Variants in TMPRSS6 observed in about 807,000 individuals in gnomAD.
TMPRSS6 encodes the protein transmembrane protease serine 6.
In TMPRSS6, 67 loss-of-function variants were observed where a neutral mutation model predicts 101.5. That is an observed-to-expected ratio of 0.66 (90% CI 0.54 to 0.81). TMPRSS6 has a LOEUF of 0.81. Among genes scored for constraint, TMPRSS6 ranks in the 30% least tolerant of loss-of-function variants. The pLI, the probability that TMPRSS6 is intolerant of heterozygous loss-of-function variation, is 0.00. For synonymous variants in TMPRSS6, 453 were observed against 464.9 expected (o/e 0.97, Z 0.33); for missense variants, 1,034 against 1,088.7 (o/e 0.95, Z 0.71).
chr22:37,109,796 G>C (rs1930957411), upstream of TMPRSS6, among the ~76,000 whole-genome samples: 1 of 151,818 alleles, frequency 6.6e-6, no homozygotes, highest in Non-Finnish European at 1.5e-5. Context: ...GGGCACCCCA[G>C]AGGCTGGCAG....
chr22:37,103,247 A>C lies in TMPRSS6; in HGVS notation c.171T>G (p.Ala57=). The C allele has an allele frequency of 6.2e-7, 1 of 1,614,100 alleles. No individual in the cohort carries two copies. The highest frequency in any genetic ancestry group is 8.5e-7 in the Non-Finnish European group (1 of 1,179,948). ...AATACCAGAGTAGCACCCCCGCCGAAGCCAGCACGAGCAGGGCCAGCAGCA... is the reference window on the plus strand; with the variant it reads ...AATACCAGAGTAGCACCCCCGCCGACGCCAGCACGAGCAGGGCCAGCAGCA... ...LFVLLALLVL[A]SAGVLLWYFL... The change falls in exon 2 of 18, where the codon GCT becomes GCG. Residue 57 remains alanine, a synonymous_variant. Transcript: ENST00000676104. The surrounding 1 kb of genome is among the most constrained non-coding windows in gnomAD (Gnocchi z 4.4).
chr22:37,092,885 G>T (rs927430766), intron 6 of TMPRSS6, among the ~76,000 whole-genome samples: 2 of 152,252 alleles, frequency 1.3e-5, no homozygotes, highest in Non-Finnish European at 2.9e-5. Flanking sequence ...GGGACTCTGT[G>T]TGAGGCTCTT....
chr22:37,102,707 G>A (rs1219828158), intron 2 of TMPRSS6, among the ~76,000 whole-genome samples: 1 of 152,148 alleles, frequency 6.6e-6, no homozygotes, highest in Non-Finnish European at 1.5e-5. Flanking sequence ...CATTCATGCT[G>A]GACCCTGGAG....
At chr22:37,098,038 C>CG (rs368831754) in intron 3 of TMPRSS6, among the ~76,000 whole-genome samples, 20 of 12,752 alleles carry the variant, frequency 1.6e-3, no homozygotes, top group Admixed American at 4.4e-3. Context: ...GGGGCAGGAG[C>CG]GGCCACCGTC....
At chr22:37,110,495 G>T (rs949263245), upstream of TMPRSS6, among the ~76,000 whole-genome samples, 4 of 152,078 alleles carry the variant, frequency 2.6e-5, no homozygotes, top group African/African-American at 9.7e-5. Context: ...GGTAGCCGCT[G>T]GTCACCCGTG....
intron 10 of TMPRSS6, among the ~76,000 whole-genome samples, chr22:37,075,544 C>T (rs1692582443): frequency 6.6e-6 from 1 of 152,222 alleles, no homozygotes; most frequent in Non-Finnish European, 1.5e-5. Context: ...TCACAGTCAC[C>T]TGTGAACTGT....
In TMPRSS6 at chr22:37,066,206, T is replaced by A. The variant is rs1926267689; in HGVS notation, c.2283A>T (p.Ala761=). The A allele has an allele frequency of 7.4e-6, 12 of 1,612,634 alleles. No homozygotes were observed. Among genetic ancestry groups the A allele is most frequent in the Non-Finnish European group, 9.3e-6 (11 of 1,179,774 alleles). Residue 761 remains alanine (A), a synonymous_variant, in exon 18 of 18, where the codon GCA becomes GCT. Transcript: ENST00000676104. ...CCGCCAGGAACCAGCGGCCACTGAG[T>A]GCCTTGCACACCAGCGGACCACCTG... The part of the protein sequence containing the change: ...GDSGGPLVCK[A]LSGRWFLAGL...
At chr22:37,080,575 T>C (rs952706338) in intron 10 of TMPRSS6, among the ~76,000 whole-genome samples, 1 of 152,276 alleles carries the variant, frequency 6.6e-6, no homozygotes, top group Admixed American at 6.5e-5. Context: ...CTACATGGGA[T>C]GATCACTATC....
rs2146057214 is a variant in TMPRSS6, at chr22:37,073,540, C to T, written c.1547G>A (p.Cys516Tyr). Residue 516 changes from cysteine (C) to tyrosine (Y), a missense_variant, in exon 13 of 18, where the codon TGC (cysteine) becomes TAC (tyrosine). Coordinates refer to ENST00000676104, the MANE Select transcript of TMPRSS6 (RefSeq NM_001374504.1). ...GGCTAGGCCTGCCCTACCTTCCTGG[C>T]ACTGCTCTTCGTCGCTGCCGTTGAG... ...DCLNGSDEEQ[C>Y]QEGVPCGTFT... is the part of the protein sequence containing the mutation. 3 of 1,612,454 alleles carry T rather than the reference C, an allele frequency of 1.9e-6. No individual in the cohort carries two copies. The highest frequency in any genetic ancestry group is 2.5e-6 in the Non-Finnish European group (3 of 1,178,520).
intron 10 of TMPRSS6, 139 bp from the exon 11 acceptor site, chr22:37,075,419 T>C (rs978679826): frequency 4.3e-5 from 49 of 1,151,004 alleles, no homozygotes; most frequent in Admixed American, 1.0e-4. Flanking sequence ...ATTTCTCCCT[T>C]AGATGAGTGC....
rs1396291878 is a variant in TMPRSS6, at chr22:37,096,729, AGACAACAGCCCCTGG to A, written c.337-29_337-15del. 6.4e-7 allele frequency: 1 copy of A among 1,559,336 alleles called. No individual in the cohort carries two copies. The highest frequency in any genetic ancestry group is 1.4e-5 in the African/African-American group (1 of 73,674). Reference sequence around the variant, plus strand: ...GAGCTCCTTGAGCTGTGAGAAGGGAAGACAACAGCCCCTGGGACCCTCTGCAGGGCAGACAGGCCC... The same window carrying A: ...GAGCTCCTTGAGCTGTGAGAAGGGAAGACCCTCTGCAGGGCAGACAGGCCC... On this transcript the variant is annotated splice_polypyrimidine_tract_variant and intron_variant, in intron 3 of 17. Transcript: ENST00000676104.
intron 6 of TMPRSS6, among the ~76,000 whole-genome samples, chr22:37,095,148 C>G (rs1929634278): frequency 6.6e-6 from 1 of 152,094 alleles, no homozygotes; most frequent in Admixed American, 6.5e-5. Context: ...TCCAAAAGAC[C>G]AAGTTTTAAA....
At chr22:37,082,131 G>T (rs1026484251) in intron 10 of TMPRSS6, among the ~76,000 whole-genome samples, 3 of 152,150 alleles carry the variant, frequency 2.0e-5, no homozygotes, top group African/African-American at 7.2e-5. Context: ...TGTGGCTGTT[G>T]GGGGTATGGG....
rs762251579 is a variant in TMPRSS6, at chr22:37,101,476, C to G, written c.202+1740G>C. The stretch of plus-strand genomic sequence containing the variant: ...CTCCTCGCTTGGGGCCTGTCCTGCT[C>G]CAGTGTCACTGGTCACTTGTGCACC... On this transcript the variant is annotated intron_variant, in intron 2 of 17. Transcript: ENST00000676104. The surrounding 1 kb of genome is among the most constrained non-coding windows in gnomAD (Gnocchi z 4.1). 8.5e-5 allele frequency among the ~76,000 whole-genome samples: 13 copies of G among 152,094 alleles called. No homozygotes were observed. The highest frequency in any genetic ancestry group is 1.5e-4 in the Non-Finnish European group (10 of 67,992).
intron 6 of TMPRSS6, among the ~76,000 whole-genome samples, chr22:37,094,107 C>G (rs1400423593): frequency 6.6e-6 from 1 of 152,034 alleles, no homozygotes; most frequent in Non-Finnish European, 1.5e-5. Context: ...CTGCAATGAG[C>G]CAGTCTCTGT....
intron 6 of TMPRSS6, among the ~76,000 whole-genome samples, chr22:37,091,497 A>C (rs1929260374): frequency 6.6e-6 from 1 of 152,062 alleles, no homozygotes; most frequent in Non-Finnish European, 1.5e-5. Flanking sequence ...TACCCTCCCC[A>C]CCTAGCACCA....
At position 37,070,956 on chromosome 22, in the gene TMPRSS6, C is replaced by CCCATCACACTGCGGGTTGGG. The variant is rs1926841477; in HGVS notation, c.1612_1631dup (p.Arg545ProfsTer66). On this transcript the variant is annotated frameshift_variant, in exon 14 of 18. Coordinates refer to ENST00000676104, the MANE Select transcript of TMPRSS6 (RefSeq NM_001374504.1). LOFTEE classifies it high-confidence loss of function. Reference sequence around the variant, plus strand: ...CCGAGCCGTCCCTGCAGTCGGGCCGCCCATCACACTGCGGGTTGGGCTTCT... The same window carrying CCCATCACACTGCGGGTTGGG: ...CCGAGCCGTCCCTGCAGTCGGGCCGCCCATCACACTGCGGGTTGGGCCATCACACTGCGGGTTGGGCTTCT... 2 of 1,613,230 alleles carry CCCATCACACTGCGGGTTGGG rather than the reference C, an allele frequency of 1.2e-6. No homozygotes were observed. The highest frequency in any genetic ancestry group is 1.7e-6 in the Non-Finnish European group (2 of 1,180,006).
chr22:37,102,744 C>T lies in TMPRSS6; in HGVS notation c.202+472G>A, dbSNP rs191379692. On this transcript the variant is annotated intron_variant, in intron 2 of 17. Coordinates refer to ENST00000676104, the MANE Select transcript of TMPRSS6 (RefSeq NM_001374504.1). ...CCCAGAGGGGATAGAGCTGTGGTCCCCAGCCTAGAGGAGAACCTAGGCTAG... is the reference window on the plus strand; with the variant it reads ...CCCAGAGGGGATAGAGCTGTGGTCCTCAGCCTAGAGGAGAACCTAGGCTAG... Among the ~76,000 whole-genome samples the T allele has an allele frequency of 3.0e-3, 451 of 152,182 alleles. 3 individuals are homozygous for T. The highest frequency in any genetic ancestry group is 9.6e-3 in the African/African-American group (399 of 41,512).
chr22:37,074,808 C>A, intron 11 of TMPRSS6, 100 bp from the exon 12 acceptor site: 12 of 1,257,328 alleles, frequency 9.5e-6, no homozygotes, highest in Non-Finnish European at 1.4e-5. Flanking sequence ...TTCACTCACA[C>A]GCGCATGGAC....
Sources: allele counts gnomAD v4.1 joint callset (sites outside exome capture counted in the v4.1 genomes callset), GRCh38; gene constraint gnomAD v4.1.1; non-coding constraint Gnocchi (gnomAD v3.1); transcripts MANE v1.5; gene names NCBI Gene and HGNC (gene_info 2026-07-23, HGNC 2026-07-21).